The following LIMD2 variants were observed in gnomAD, a reference collection of about 807,000 sequenced individuals.
LIMD2 encodes the protein LIM domain containing 2.
Under a neutral mutation model 16.0 loss-of-function variants are expected in LIMD2, and 11 were observed. The ratio of observed to expected loss-of-function variants is 0.69; its 90% CI spans 0.43 to 1.14. The LOEUF (loss-of-function observed/expected upper bound fraction) is 1.14, where lower values mean the gene tolerates loss of function less well. Among genes scored for constraint, LIMD2 ranks in the 50% most tolerant of loss-of-function variants. The pLI, the probability that LIMD2 is intolerant of heterozygous loss-of-function variation, is 0.00. For synonymous variants in LIMD2, 60 were observed against 67.1 expected (o/e 0.89, Z 0.52); for missense variants, 168 against 165.8 (o/e 1.01, Z -0.07).
chr17:63,699,144 G>A, intron 2 of LIMD2, 75 bp from the exon 3 acceptor site: 11 of 1,578,514 alleles, frequency 7.0e-6, no homozygotes, highest in African/African-American at 1.3e-5. Context: ...TCAGCCCAAG[G>A]CCCAGGGGCG....
rs1310762336 is a variant in LIMD2 at position 63,698,299 on chromosome 17, GGGGA to G, written c.*249_*252del. 9.1e-6 allele frequency: 5 copies of G among 546,934 alleles called. No homozygotes were observed. Among genetic ancestry groups the G allele is most frequent in the Non-Finnish European group, 1.3e-5 (4 of 307,180 alleles). The allele number at this position is 546,934 out of a possible 1,614,324, so 33.9% of individuals were successfully genotyped here. On this transcript the variant is annotated 3_prime_UTR_variant, in exon 5 of 5. Coordinates refer to ENST00000259006, the MANE Select transcript of LIMD2 (RefSeq NM_030576.4). The stretch of plus-strand genomic sequence containing the variant: ...CTCCCAGGGGGTCCTGGGGTGAGGT[GGGGA>G]GGGAGGCTGAACGAAGCAGGAAGCA...
Position 63,700,047 on chromosome 17 carries a change from C to T in LIMD2, c.-66G>A, listed in dbSNP as rs1214848638. The T allele has an allele frequency of 1.0e-5, 10 of 984,072 alleles. No homozygotes were observed. Among genetic ancestry groups the T allele is most frequent in the Non-Finnish European group, 1.2e-5 (10 of 829,178 alleles). The allele number at this position is 984,072 out of a possible 1,614,324, so 61.0% of individuals were successfully genotyped here. A position where few individuals can be genotyped will look rare whatever the true frequency, so the allele number is the denominator to read the frequency against. ...CGGCTCTCACCAGGCCCGGCCTGGG[C>T]CGCGGGGCGGGATCGGTCTCCGGGG... is the stretch of plus-strand genomic sequence containing the variant. On this transcript the variant is annotated 5_prime_UTR_variant, in exon 1 of 5. Coordinates refer to ENST00000259006, the MANE Select transcript of LIMD2 (RefSeq NM_030576.4). This position sits in a 1 kb window ranked among gnomAD's most constrained non-coding sequence, Gnocchi z 7.1.
At position 63,699,368 on chromosome 17, in the gene LIMD2, G is replaced by A. The variant is rs533340186; in HGVS notation, c.-50-20C>T. On this transcript the variant is annotated intron_variant, in intron 1 of 4. Transcript: ENST00000259006. ...TGGGTTCTGCAAGGGGAAGTCAGTC[G>A]GGAGGGCCCCGCCAGCCCGGCCCCA... The A allele has an allele frequency of 1.2e-5, 19 of 1,530,332 alleles. 2 individuals are homozygous for A. In the South Asian group the frequency reaches 2.0e-4, roughly 16 times the overall value. 94.8% of individuals were successfully genotyped at this position (1,530,332 alleles called of 1,614,324 possible).
At chr17:63,700,272 C>T (rs1411183611), upstream of LIMD2, 26 of 534,402 alleles carry the variant, frequency 4.9e-5, no homozygotes, top group Non-Finnish European at 6.2e-5. This position sits in a 1 kb window ranked among gnomAD's most constrained non-coding sequence, Gnocchi z 7.1. Context: ...TTGTCTTCCC[C>T]TCGCCGCCGT....
Position 63,698,579 on chromosome 17 carries a change from C to T in LIMD2, c.357G>A (p.Glu119=). ...KQHKELWAHK[E]VDPGTKTA Reference sequence around the variant, plus strand: ...AGGCCGTCTTGGTGCCGGGGTCCACCTCCTTGTGGGCCCAGAGCTCCTTGT... The same window carrying T: ...AGGCCGTCTTGGTGCCGGGGTCCACTTCCTTGTGGGCCCAGAGCTCCTTGT... Residue 119 remains glutamate, a synonymous_variant, in exon 5 of 5, where the codon GAG becomes GAA. Coordinates refer to ENST00000259006, the MANE Select transcript of LIMD2 (RefSeq NM_030576.4). 1 of 1,613,826 alleles carries T rather than the reference C, an allele frequency of 6.2e-7. No homozygotes were observed. Among genetic ancestry groups the T allele is most frequent in the Non-Finnish European group, 8.5e-7 (1 of 1,180,016 alleles).
At position 63,698,284 on chromosome 17, in the gene LIMD2, G is replaced by A. The variant is rs570930353; in HGVS notation, c.*268C>T. The stretch of plus-strand genomic sequence containing the variant: ...GCTGGGCTTGGGGGCCTCCCAGGGG[G>A]TCCTGGGGTGAGGTGGGGAGGGAGG... On this transcript the variant is annotated 3_prime_UTR_variant, in exon 5 of 5. Coordinates refer to ENST00000259006, the MANE Select transcript of LIMD2 (RefSeq NM_030576.4). The A allele has an allele frequency of 8.5e-5, 44 of 516,180 alleles. 1 individual carries two copies. The South Asian group carries it at 9.8e-4, about 12-fold the overall frequency. The allele number at this position is 516,180 out of a possible 1,614,324, so 32.0% of individuals were successfully genotyped here. A position where few individuals can be genotyped will look rare whatever the true frequency, so the allele number is the denominator to read the frequency against.
rs1159378809 is a variant in LIMD2 at position 63,698,929 on chromosome 17, G to A, written c.94C>T (p.Leu32=). 5 of 1,612,808 alleles carry A rather than the reference G, an allele frequency of 3.1e-6. No individual in the cohort carries two copies. The highest frequency in any genetic ancestry group is 1.7e-5 in the Admixed American group (1 of 60,028). Residue 32 remains leucine (L), a synonymous_variant, in exon 4 of 5, where the codon CTG becomes TTG. Transcript: ENST00000259006. ...CAGGTCTCCTTCACCTGGGCCCGCA[G>A]GCTGAAGGACTGTGCGGGAAGCTCA... ...STVQRSKSFS[L]RAQVKETCAA...
At chr17:63,699,000 TC>T (rs769275869) in intron 3 of LIMD2, 27 bp downstream of exon 3, 8 of 1,609,500 alleles carry the variant, frequency 5.0e-6, no homozygotes, top group Non-Finnish European at 5.9e-6. Context: ...ACACCCCTCC[TC>T]CCGCACACCC....
chr17:63,699,472 C>T (rs1392830427), intron 1 of LIMD2, 124 bp from the exon 2 acceptor site: 4 of 928,978 alleles, frequency 4.3e-6, no homozygotes, highest in African/African-American at 3.4e-5. Flanking sequence ...TTTCCTGTTG[C>T]TCTTGGTCTT....
In LIMD2 at chr17:63,696,430, A is replaced by C. The variant is rs1277036555; in HGVS notation, c.*2122T>G. 6.6e-6 allele frequency: 1 copy of C among 152,198 alleles called. No homozygotes were observed. The highest frequency in any genetic ancestry group is 1.5e-5 in the Non-Finnish European group (1 of 68,016). 9.4% of individuals were successfully genotyped at this position (152,198 alleles called of 1,614,324 possible). On this transcript the variant is annotated 3_prime_UTR_variant, in exon 5 of 5. Transcript: ENST00000259006. ...TTCAAGCAGAAGAGAACTTGACTCC[A>C]AGTAGAGGGGTCCTGGGGTGATCTG... is the stretch of plus-strand genomic sequence containing the variant.
At chr17:63,699,471 GCT>G in intron 1 of LIMD2, 123 bp from the exon 2 acceptor site, 1 of 933,792 alleles carries the variant, frequency 1.1e-6, no homozygotes, top group Non-Finnish European at 1.5e-6. Flanking sequence ...ATTTCCTGTT[GCT>G]CTTGGTCTTG....
In LIMD2 at chr17:63,697,458, T is replaced by C. The variant is rs2035709438; in HGVS notation, c.*1094A>G. The C allele has an allele frequency of 6.6e-6, 1 of 152,214 alleles. No individual in the cohort carries two copies. The highest frequency in any genetic ancestry group is 2.1e-4 in the South Asian group (1 of 4,832). The allele number at this position is 152,214 out of a possible 1,614,324, so 9.4% of individuals were successfully genotyped here. A position where few individuals can be genotyped will look rare whatever the true frequency, so the allele number is the denominator to read the frequency against. On this transcript the variant is annotated 3_prime_UTR_variant, in exon 5 of 5. Transcript: ENST00000259006. ...ACGCGGCAGCTTGCACCCCAGGCAC[T>C]GAAGTGCAGCGAGGACAGGCGCCAT...
rs998690190 is a variant in LIMD2 at position 63,696,381 on chromosome 17, G to C, written c.*2171C>G. On this transcript the variant is annotated 3_prime_UTR_variant, in exon 5 of 5. Transcript: ENST00000259006. The stretch of plus-strand genomic sequence containing the variant: ...TTTTGCTTAGCAGGGGCCAGGTATG[G>C]TGCCTGGCAACGAGCCTGGGCCTTT... The C allele has an allele frequency of 6.6e-6, 1 of 152,462 alleles. No individual in the cohort carries two copies. The highest frequency in any genetic ancestry group is 2.4e-5 in the African/African-American group (1 of 41,354). The allele number at this position is 152,462 out of a possible 1,614,324, so 9.4% of individuals were successfully genotyped here.
chr17:63,698,732 C>T, intron 4 of LIMD2, 21 bp from the exon 5 acceptor site: 6 of 1,609,586 alleles, frequency 3.7e-6, no homozygotes, highest in Non-Finnish European at 4.2e-6. Flanking sequence ...CAAACAACGG[C>T]GTCAGGTCAG....
At chr17:63,698,990 A>C in intron 3 of LIMD2, 38 bp downstream of exon 3, 1 of 1,610,148 alleles carries the variant, frequency 6.2e-7, no homozygotes, top group African/African-American at 1.3e-5. Flanking sequence ...CCGCTCCCTC[A>C]CACCCCTCCT....
At chr17:63,699,491 C>T (rs2035751128) in intron 1 of LIMD2, 143 bp from the exon 2 acceptor site, 2 of 723,402 alleles carry the variant, frequency 2.8e-6, no homozygotes, top group South Asian at 2.1e-5. Flanking sequence ...TTGCCACTTC[C>T]GCCCCTCACC....
In LIMD2 at chr17:63,700,036, C is replaced by A. The variant is rs1329393636; in HGVS notation, c.-55G>T. 3 of 984,218 alleles carry A rather than the reference C, an allele frequency of 3.0e-6. No homozygotes were observed. In the East Asian group the frequency reaches 3.4e-4, roughly 112 times the overall value. The allele number at this position is 984,218 out of a possible 1,614,324, so 61.0% of individuals were successfully genotyped here. On this transcript the variant is annotated 5_prime_UTR_variant, in exon 1 of 5. Transcript: ENST00000259006. This position sits in a 1 kb window ranked among gnomAD's most constrained non-coding sequence, Gnocchi z 7.1. ...CCCTCCCCCCGCGGCTCTCACCAGG[C>A]CCGGCCTGGGCCGCGGGGCGGGATC...
Position 63,698,162 on chromosome 17 carries a change from G to C in LIMD2, c.*390C>G, listed in dbSNP as rs1317414106. On this transcript the variant is annotated 3_prime_UTR_variant, in exon 5 of 5. Transcript: ENST00000259006. ...TAAGGGTAGAGGTAGATGGGGAGAC[G>C]TGGGGGCCACACAGTCTCCGGTGGC... 2.7e-5 allele frequency: 6 copies of C among 226,176 alleles called. No homozygotes were observed. Among genetic ancestry groups the C allele is most frequent in the Non-Finnish European group, 5.4e-5 (6 of 111,766 alleles). The allele number at this position is 226,176 out of a possible 1,614,324, so 14.0% of individuals were successfully genotyped here. A position where few individuals can be genotyped will look rare whatever the true frequency, so the allele number is the denominator to read the frequency against.
rs1330423768 is a variant in LIMD2, at chr17:63,698,782, G to A, written c.224+17C>T. On this transcript the variant is annotated intron_variant, in intron 4 of 4. Transcript: ENST00000259006. ...GGGTTGGCAGGCGAGGCGGGGGCGG[G>A]CAGGGCAGGGGCGCACCTGAGCTTG... 1 of 1,555,482 alleles carries A rather than the reference G, an allele frequency of 6.4e-7. No homozygotes were observed. The highest frequency in any genetic ancestry group is 8.8e-7 in the Non-Finnish European group (1 of 1,131,378).
Sources: allele counts gnomAD v4.1 joint callset, GRCh38; gene constraint gnomAD v4.1.1; non-coding constraint Gnocchi (gnomAD v3.1); transcripts MANE v1.5; gene names NCBI Gene and HGNC (gene_info 2026-07-23, HGNC 2026-07-21).